Variants in SLC14A2 observed in about 807,000 individuals in gnomAD.
SLC14A2 encodes urea transporter 2.
Under a neutral mutation model 104.6 loss-of-function variants are expected in SLC14A2, and 91 were observed. That is an observed-to-expected ratio of 0.87 (90% CI 0.73 to 1.04). SLC14A2 has a LOEUF of 1.04. SLC14A2 is among the 50% of genes least tolerant of loss of function. The pLI is 0.00. For missense variants in SLC14A2, 1,189 were observed against 1,156.0 expected, an observed-to-expected ratio of 1.03 and a Z score of -0.41; for synonymous variants, 476 against 466.4, an observed-to-expected ratio of 1.02 and a Z score of -0.27.
chr18:45,585,928 C>A lies in SLC14A2; in HGVS notation c.-34-38703C>A, dbSNP rs1179940368. ...AGGTTCGAGGGTTCCTGTGATGCCACCTCGCACTGGGAAAAGTAAGGCTTT... is the reference window on the plus strand; with the variant it reads ...AGGTTCGAGGGTTCCTGTGATGCCAACTCGCACTGGGAAAAGTAAGGCTTT... On this transcript the variant is annotated intron_variant, in intron 2 of 20. Transcript: ENST00000586448. Among the ~76,000 whole-genome samples, 6 of 152,186 alleles carry A rather than the reference C, an allele frequency of 3.9e-5. No individual in the cohort carries two copies. The South Asian group carries it at 1.0e-3, about 26-fold the overall frequency.
At chr18:45,405,074 G>T (rs1402447194) in intron 1 of SLC14A2, among the ~76,000 whole-genome samples, 1 of 152,100 alleles carries the variant, frequency 6.6e-6, no homozygotes, top group Admixed American at 6.6e-5. Flanking sequence ...ACTAGTTGTG[G>T]CATTTTGCAA....
chr18:45,224,678 A>G (rs1400148788), intron 1 of SLC14A2, among the ~76,000 whole-genome samples: 1 of 152,196 alleles, frequency 6.6e-6, no homozygotes, highest in Admixed American at 6.5e-5. Context: ...TATTTATATG[A>G]GCATAGAACA....
intron 1 of SLC14A2, among the ~76,000 whole-genome samples, chr18:45,406,929 T>C (rs1378638093): frequency 1.3e-5 from 2 of 152,332 alleles, no homozygotes; most frequent in South Asian, 2.1e-4. Flanking sequence ...GTTCCACTGA[T>C]AGAGCATAGG....
At chr18:45,632,305 A>G (rs1395370052) in intron 4 of SLC14A2, 45 bp from the exon 5 acceptor site, 1 of 1,595,942 alleles carries the variant, frequency 6.3e-7, no homozygotes, top group South Asian at 1.1e-5. Context: ...GGGGCCCAGT[A>G]ACACCACCAA....
intron 1 of SLC14A2, among the ~76,000 whole-genome samples, chr18:45,445,716 C>T (rs2144595444): frequency 6.6e-6 from 1 of 152,278 alleles, no homozygotes; most frequent in East Asian, 1.9e-4. Context: ...ATAGAGTTGG[C>T]CCTATGCAGA....
intron 2 of SLC14A2, among the ~76,000 whole-genome samples, chr18:45,547,829 A>G (rs1477378893): frequency 2.0e-5 from 3 of 152,212 alleles, no homozygotes; most frequent in African/African-American, 7.2e-5. Context: ...TTATAGAAAG[A>G]GACTTTGGAG....
In SLC14A2 at chr18:45,282,718, A is replaced by G. The variant is rs906625559; in HGVS notation, c.-125+69527A>G. On this transcript the variant is annotated intron_variant, in intron 1 of 20. Transcript: ENST00000586448. ...GGGATTTCGAAATACAGCAGGGCAT[A>G]TCTTTGGTTATTGTGCTCTGTGTGG... 2.0e-5 allele frequency among the ~76,000 whole-genome samples: 3 copies of G among 152,238 alleles called. No individual in the cohort carries two copies. The East Asian group carries it at 5.8e-4, about 29-fold the overall frequency.
intron 1 of SLC14A2, among the ~76,000 whole-genome samples, chr18:45,474,088 TG>T (rs1555693407): frequency 6.6e-6 from 1 of 152,134 alleles, no homozygotes; most frequent in South Asian, 2.1e-4. Context: ...TTAGCATGAA[TG>T]GGTGTTGAAT....
At chr18:45,510,791 G>A (rs1468990039) in intron 2 of SLC14A2, among the ~76,000 whole-genome samples, 1 of 152,154 alleles carries the variant, frequency 6.6e-6, no homozygotes, top group Non-Finnish European at 1.5e-5. Flanking sequence ...TGCTTACACA[G>A]CAGAGCAGCA....
At chr18:45,639,988 C>A in intron 7 of SLC14A2, 95 bp downstream of exon 7, 1 of 1,222,910 alleles carries the variant, frequency 8.2e-7, no homozygotes, top group East Asian at 2.6e-5. Context: ...ATTCTCTTCC[C>A]TGCAGTTTTA....
intron 1 of SLC14A2, among the ~76,000 whole-genome samples, chr18:45,240,037 C>T (rs1330475029): frequency 6.7e-6 from 1 of 148,554 alleles, no homozygotes; most frequent in Non-Finnish European, 1.5e-5. Context: ...AGGTTGATTT[C>T]ATGTCTTGGG....
intron 2 of SLC14A2, among the ~76,000 whole-genome samples, chr18:45,606,687 T>C (rs1468874711): frequency 2.0e-5 from 3 of 149,474 alleles, no homozygotes; most frequent in Non-Finnish European, 4.4e-5. Context: ...TGTTTCACTC[T>C]CACCTTCTAA....
chr18:45,185,471 G>A, the SLC14A2 span, among the ~76,000 whole-genome samples: 21 of 152,208 alleles, frequency 1.4e-4, no homozygotes, highest in South Asian at 4.1e-4. Flanking sequence ...CCCCAGAATC[G>A]GGAGGAATAG....
chr18:45,253,621 A>G (rs1376856377), intron 1 of SLC14A2, among the ~76,000 whole-genome samples: 1 of 152,156 alleles, frequency 6.6e-6, no homozygotes, highest in African/African-American at 2.4e-5. Flanking sequence ...GAGGATAATC[A>G]AGGATTAAAT....
At chr18:45,446,600 A>T (rs2086774013) in intron 1 of SLC14A2, among the ~76,000 whole-genome samples, 1 of 152,230 alleles carries the variant, frequency 6.6e-6, no homozygotes, top group Non-Finnish European at 1.5e-5. Flanking sequence ...TGAAAAGCAG[A>T]TCTATCTATC....
In SLC14A2 at chr18:45,644,115, T is replaced by C; in HGVS notation, c.1306T>C (p.Tyr436His). 5 of 1,614,236 alleles carry C rather than the reference T, an allele frequency of 3.1e-6. No individual in the cohort carries two copies. Among genetic ancestry groups the C allele is most frequent in the Non-Finnish European group, 4.2e-6 (5 of 1,180,036 alleles). Reference protein sequence around the residue: ...KVTYPEANRIYYLTVKSGEEE... With the variant: ...KVTYPEANRIHYLTVKSGEEE... ...CACCTACCCCGAGGCCAACCGCATC[T>C]ACTACCTGACAGTGAAAAGCGGTGA... The change falls in exon 10 of 20, where the codon TAC (tyrosine) becomes CAC (histidine). Residue 436 changes from tyrosine to histidine, a missense_variant. By Grantham distance (83) the Tyr-to-His change is moderately conservative (BLOSUM62 2). Coordinates refer to ENST00000255226, the MANE Select transcript of SLC14A2 (RefSeq NM_007163.4).
chr18:45,495,349 G>A (rs531681625), intron 2 of SLC14A2, among the ~76,000 whole-genome samples: 11 of 152,234 alleles, frequency 7.2e-5, no homozygotes, highest in East Asian at 1.9e-4. Context: ...TACAATGGCC[G>A]GGGCCTCAAA....
At chr18:45,339,840 A>C (rs1165636522) in intron 1 of SLC14A2, among the ~76,000 whole-genome samples, 1 of 152,254 alleles carries the variant, frequency 6.6e-6, no homozygotes, top group Non-Finnish European at 1.5e-5. Context: ...GACACTTCAG[A>C]GAGCAAAAGG....
intron 1 of SLC14A2, among the ~76,000 whole-genome samples, chr18:45,239,446 T>C (rs1413237255): frequency 2.0e-5 from 3 of 152,270 alleles, no homozygotes; most frequent in East Asian, 1.9e-4. Context: ...TTACCATGTG[T>C]GTATGCAACC....
Sources: gnomAD v4.1 joint callset for allele counts (sites outside exome capture counted in the v4.1 genomes callset) on GRCh38, gnomAD v4.1.1 for gene constraint, MANE v1.5 for transcripts, NCBI Gene and HGNC (gene_info 2026-07-23, HGNC 2026-07-21) for gene names.